The following DNAH5 variants were observed in gnomAD, a reference collection of about 807,000 sequenced individuals.
DNAH5 encodes the protein axonemal beta dynein heavy chain 5.
In DNAH5, 372 loss-of-function variants were observed where a neutral mutation model predicts 518.2. That is an observed-to-expected ratio of 0.72 (90% confidence interval 0.66 to 0.78). The LOEUF is 0.78. Among genes scored for constraint, DNAH5 ranks in the 30% least tolerant of loss-of-function variants. The pLI, the probability that DNAH5 is intolerant of heterozygous loss-of-function variation, is 0.00. For missense variants in DNAH5, 5,523 were observed against 5,687.0 expected, an observed-to-expected ratio of 0.97 and a Z score of 0.93; for synonymous variants, 2,039 against 2,025.9, an observed-to-expected ratio of 1.01 and a Z score of -0.17.
chr5:13,809,999 T>C lies in DNAH5; in HGVS notation c.7609+60A>G. The C allele has an allele frequency of 5.6e-6, 8 of 1,436,022 alleles. 1 individual carries two copies. The South Asian group carries it at 8.6e-5, about 15-fold the overall frequency. 89.0% of individuals were successfully genotyped at this position (1,436,022 alleles called of 1,614,324 possible). On this transcript the variant is annotated intron_variant, in intron 45 of 78. Coordinates refer to ENST00000265104, the MANE Select transcript of DNAH5 (RefSeq NM_001369.3). ...AGAAAAAATATATATGGTGTAAATA[T>C]TGGCCATGTAGGAAAGAACGGCCCC...
chr5:13,968,100 G>A (rs984229117), intron 1 of DNAH5, among the ~76,000 whole-genome samples: 2 of 151,996 alleles, frequency 1.3e-5, no homozygotes, highest in African/African-American at 4.8e-5. Flanking sequence ...TTGTAAAAGG[G>A]GTTGAGTTCT....
intron 5 of DNAH5, among the ~76,000 whole-genome samples, chr5:13,921,440 C>CTCTCTG (rs1554103910): frequency 2.8e-5 from 4 of 142,846 alleles, no homozygotes; most frequent in East Asian, 2.1e-4. Context: ...CTCTCTGTCT[C>CTCTCTG]TCTCTCTCTC....
At chr5:13,940,178 A>G (rs780637862) in intron 1 of DNAH5, among the ~76,000 whole-genome samples, 10 of 151,724 alleles carry the variant, frequency 6.6e-5, no homozygotes, top group Non-Finnish European at 1.3e-4. Flanking sequence ...CCACAGCCTC[A>G]CCTCCCCCGA....
chr5:13,704,792 T>A (rs765815586), intron 76 of DNAH5, among the ~76,000 whole-genome samples: 1 of 152,158 alleles, frequency 6.6e-6, no homozygotes, highest in African/African-American at 2.4e-5. Flanking sequence ...CTACATCATC[T>A]TACCTATATG....
chr5:13,899,945 G>T, intron 15 of DNAH5: 1 of 477,698 alleles, frequency 2.1e-6, no homozygotes, highest in Non-Finnish European at 3.7e-6. Context: ...AAAAGAGATC[G>T]TGCCTTTTTC....
At chr5:13,963,869 T>G (rs1169694860) in intron 1 of DNAH5, among the ~76,000 whole-genome samples, 1 of 152,136 alleles carries the variant, frequency 6.6e-6, no homozygotes, top group Non-Finnish European at 1.5e-5. Flanking sequence ...TTATGTTTTT[T>G]TGTAGAGACG....
chr5:13,778,153 T>G (rs1432258727), intron 53 of DNAH5, among the ~76,000 whole-genome samples: 1 of 152,090 alleles, frequency 6.6e-6, no homozygotes. Context: ...TAAAAACTAG[T>G]GAATATTTAA....
rs114624070 is a variant in DNAH5, at chr5:13,848,094, T to C, written c.5114+2558A>G. On this transcript the variant is annotated intron_variant, in intron 31 of 78. Coordinates refer to ENST00000265104, the MANE Select transcript of DNAH5 (RefSeq NM_001369.3). ...AACTGCATTTGGTCATGCTAAATAA[T>C]TATTAGGCTAAATGGAATGGCGCAG... is the stretch of plus-strand genomic sequence containing the variant. Among the ~76,000 whole-genome samples, 1,437 of 152,312 alleles carry C rather than the reference T, an allele frequency of 9.4e-3. 26 individuals are homozygous for C. The highest frequency in any genetic ancestry group is 0.033 in the African/African-American group (1,364 of 41,560).
rs984584656 is a variant in DNAH5, at chr5:13,769,678, T to A, written c.9606-63A>T. On this transcript the variant is annotated intron_variant, in intron 56 of 78. Coordinates refer to ENST00000265104, the MANE Select transcript of DNAH5 (RefSeq NM_001369.3). Reference sequence around the variant, plus strand: ...GTAGGACTTGGATGCAATTCTCAAGTACTGGTCCAATAATGAGTGGTAATG... The same window carrying A: ...GTAGGACTTGGATGCAATTCTCAAGAACTGGTCCAATAATGAGTGGTAATG... 5.9e-6 allele frequency: 8 copies of A among 1,345,338 alleles called. No homozygotes were observed. The African/African-American group carries it at 1.0e-4, about 17-fold the overall frequency. 83.3% of individuals were successfully genotyped at this position (1,345,338 alleles called of 1,614,324 possible).
At chr5:13,834,523 T>A (rs1266580555) in intron 35 of DNAH5, among the ~76,000 whole-genome samples, 2 of 152,266 alleles carry the variant, frequency 1.3e-5, no homozygotes, top group Admixed American at 1.3e-4. Flanking sequence ...ATTTAGCATC[T>A]GTTATGTGAC....
At chr5:13,890,792 G>A (rs982117495) in intron 17 of DNAH5, among the ~76,000 whole-genome samples, 184 bp downstream of exon 17, 4 of 152,158 alleles carry the variant, frequency 2.6e-5, no homozygotes, top group East Asian at 3.9e-4. Flanking sequence ...CTAAGTGACC[G>A]CTTACTTAGA....
At chr5:13,967,646 T>A (rs960267615) in intron 1 of DNAH5, among the ~76,000 whole-genome samples, 2 of 152,068 alleles carry the variant, frequency 1.3e-5, no homozygotes, top group Admixed American at 6.6e-5. Context: ...TGTTTGTTTG[T>A]TTTTTGCTGA....
At position 13,692,110 on chromosome 5, in the gene DNAH5, G is replaced by A. The variant is rs1452713574; in HGVS notation, c.13749C>T (p.Ser4583=). 1.2e-6 allele frequency: 2 copies of A among 1,613,916 alleles called. No homozygotes were observed. The highest frequency in any genetic ancestry group is 2.7e-5 in the African/African-American group (2 of 74,904). The change falls in exon 79 of 79, where the codon TCC becomes TCT. Residue 4583 remains serine (S), a synonymous_variant. Transcript: ENST00000265104. ...NNTLRDPRFY[S]CPIYKKPVRT... ...GAACTGGCTTCTTATAGATGGGACAGGAGTAAAACCGAGGATCTCGTAAAG... is the reference window on the plus strand; with the variant it reads ...GAACTGGCTTCTTATAGATGGGACAAGAGTAAAACCGAGGATCTCGTAAAG...
chr5:13,990,280 C>T (rs1349440854), intron 1 of DNAH5, among the ~76,000 whole-genome samples: 3 of 151,966 alleles, frequency 2.0e-5, no homozygotes, highest in Non-Finnish European at 2.9e-5. Flanking sequence ...CGGCCAGGCA[C>T]GGTGGCTCAT....
At chr5:13,988,078 G>A (rs949350627) in intron 1 of DNAH5, among the ~76,000 whole-genome samples, 6 of 152,096 alleles carry the variant, frequency 3.9e-5, no homozygotes, top group African/African-American at 1.2e-4. Context: ...CTCCCGGGTC[G>A]CCTCCGCTCT....
At chr5:13,816,003 C>T (rs1761396387) in intron 42 of DNAH5, among the ~76,000 whole-genome samples, 1 of 152,126 alleles carries the variant, frequency 6.6e-6, no homozygotes, top group Non-Finnish European at 1.5e-5. Flanking sequence ...CCAGACTTCT[C>T]AAGGAAGCAG....
intron 55 of DNAH5, among the ~76,000 whole-genome samples, chr5:13,771,746 C>T (rs1753367687): frequency 1.3e-5 from 2 of 152,112 alleles, no homozygotes; most frequent in African/African-American, 4.8e-5. Flanking sequence ...AAGCATCACA[C>T]AAAATACGGT....
intron 60 of DNAH5, among the ~76,000 whole-genome samples, chr5:13,759,187 T>C (rs1751444884): frequency 6.6e-6 from 1 of 152,250 alleles, no homozygotes; most frequent in African/African-American, 2.4e-5. Flanking sequence ...TTACACTTCA[T>C]TAGAAAGGAG....
At chr5:13,985,602 G>C (rs1782999294) in intron 1 of DNAH5, among the ~76,000 whole-genome samples, 1 of 152,002 alleles carries the variant, frequency 6.6e-6, no homozygotes, top group Non-Finnish European at 1.5e-5. Context: ...GATAACAAAT[G>C]TGTGTTGTTT....
Sources: allele counts gnomAD v4.1 joint callset (sites outside exome capture counted in the v4.1 genomes callset), GRCh38; gene constraint gnomAD v4.1.1; transcripts MANE v1.5; gene names NCBI Gene and HGNC (gene_info 2026-07-23, HGNC 2026-07-21).